Variants in TLCD4 observed in about 807,000 individuals in gnomAD.
The protein encoded by TLCD4 is TLC domain-containing protein 4.
In TLCD4, 7 loss-of-function variants were observed where a neutral mutation model predicts 24.2. That is an observed-to-expected ratio of 0.29 (90% confidence interval 0.16 to 0.54). The LOEUF is 0.54. Ranked by LOEUF, TLCD4 falls within the 20% of genes least tolerant of loss-of-function variation. The pLI is 0.95. For missense variants in TLCD4, 259 were observed against 313.9 expected (o/e 0.82, Z 1.32); for synonymous variants, 103 against 106.4 (o/e 0.97, Z 0.20).
At chr1:95,174,471 G>A (rs114870740) in intron 6 of TLCD4, among the ~76,000 whole-genome samples, 1,970 of 138,118 alleles carry the variant, frequency 0.014, 67 homozygotes, top group African/African-American at 0.051. Context: ...AGGAGTTTGA[G>A]ACCAGCCTGG....
At chr1:95,137,281 G>A (rs1422842318) in intron 1 of TLCD4, among the ~76,000 whole-genome samples, 1 of 152,180 alleles carries the variant, frequency 6.6e-6, no homozygotes, top group Non-Finnish European at 1.5e-5. Context: ...GAGCTTGCCA[G>A]GGATGGGAAA....
At chr1:95,095,722 T>C in the TLCD4 span, among the ~76,000 whole-genome samples, 34 of 152,306 alleles carry the variant, frequency 2.2e-4, no homozygotes, top group African/African-American at 7.9e-4. Flanking sequence ...TTATGTATAC[T>C]GTAAAATGAG....
intron 1 of TLCD4, among the ~76,000 whole-genome samples, chr1:95,130,079 C>A (rs760293760): frequency 1.3e-5 from 2 of 152,148 alleles, no homozygotes; most frequent in African/African-American, 4.8e-5. Flanking sequence ...TATATACATT[C>A]TTTTAGATGC....
Position 95,196,973 on chromosome 1 carries a change from GTAA to G in TLCD4, c.*5113_*5115del, listed in dbSNP as rs1380551414. On this transcript the variant is annotated 3_prime_UTR_variant, in exon 7 of 7. Coordinates refer to ENST00000370203, the MANE Select transcript of TLCD4 (RefSeq NM_152487.3). ...ATGAGATTTTTTGGTATTAGAATTT[GTAA>G]TAATAATGACTTTTAGATTTTATTT... The G allele has an allele frequency of 6.6e-6, 1 of 152,036 alleles. No homozygotes were observed. The highest frequency in any genetic ancestry group is 1.5e-5 in the Non-Finnish European group (1 of 67,986). The allele number at this position is 152,036 out of a possible 1,614,324, so 9.4% of individuals were successfully genotyped here. A position where few individuals can be genotyped will look rare whatever the true frequency, so the allele number is the denominator to read the frequency against.
chr1:95,129,882 T>C (rs1396731449), intron 1 of TLCD4, among the ~76,000 whole-genome samples: 1 of 152,250 alleles, frequency 6.6e-6, no homozygotes, highest in Non-Finnish European at 1.5e-5. Context: ...GGTTGACTTT[T>C]ATGCAGCTGG....
chr1:95,129,462 C>G (rs1035982309), intron 1 of TLCD4, among the ~76,000 whole-genome samples: 1 of 152,108 alleles, frequency 6.6e-6, no homozygotes, highest in African/African-American at 2.4e-5. Flanking sequence ...GTGTAACAGG[C>G]CAGGCGCGGT....
At chr1:95,178,042 C>T (rs975731819) in intron 6 of TLCD4, among the ~76,000 whole-genome samples, 4 of 151,384 alleles carry the variant, frequency 2.6e-5, no homozygotes, top group Non-Finnish European at 5.9e-5. Context: ...CCTACACCTC[C>T]CGGGTTCAGG....
At chr1:95,163,392 C>T (rs1327619180) in intron 5 of TLCD4, 1 of 151,332 alleles carries the variant, frequency 6.6e-6, no homozygotes, top group African/African-American at 2.4e-5. Context: ...TGTAGTTAGC[C>T]ATTCGTCTAC....
At chr1:95,110,858 A>G in the TLCD4 span, among the ~76,000 whole-genome samples, 74,400 of 135,588 alleles carry the variant, frequency 0.55, 19,453 homozygotes, top group Admixed American at 0.64. Context: ...TCTGTCTCAA[A>G]AGAAAAGTAA....
chr1:95,150,157 C>T (rs1008957340), intron 3 of TLCD4, 51 bp from the exon 4 acceptor site: 20 of 1,559,868 alleles, frequency 1.3e-5, no homozygotes, highest in East Asian at 2.3e-5. Context: ...AAAGAAGTAG[C>T]GGTCATCTAC....
chr1:95,108,368 T>G, the TLCD4 span, among the ~76,000 whole-genome samples: 2 of 152,212 alleles, frequency 1.3e-5, no homozygotes, highest in Non-Finnish European at 2.9e-5. Flanking sequence ...CATCCATATT[T>G]TCATGGAATG....
At chr1:95,171,352 T>TC (rs1452524259) in intron 5 of TLCD4, among the ~76,000 whole-genome samples, 2 of 152,162 alleles carry the variant, frequency 1.3e-5, no homozygotes, top group African/African-American at 2.4e-5. Context: ...GGAAACCCCT[T>TC]CCTCTGATAC....
chr1:95,136,116 G>A (rs1010492943), intron 1 of TLCD4, among the ~76,000 whole-genome samples: 1 of 151,648 alleles, frequency 6.6e-6, no homozygotes, highest in Non-Finnish European at 1.5e-5. Context: ...TTTATGACAT[G>A]ATAAGATTAC....
intron 1 of TLCD4, among the ~76,000 whole-genome samples, chr1:95,122,868 A>G (rs1260370410): frequency 6.6e-6 from 1 of 152,154 alleles, no homozygotes; most frequent in African/African-American, 2.4e-5. Context: ...ACTTCTCTCT[A>G]TATCTGTATT....
At position 95,173,929 on chromosome 1, in the gene TLCD4, GTTTATT is replaced by G. The variant is rs557556213; in HGVS notation, c.473+45_473+50del. Reference sequence around the variant, plus strand: ...TCATTGATTATTTTAAAGTCATGCTGTTTATTTTTAGTTTGGGCAAATCCTTTTCCC... The same window carrying G: ...TCATTGATTATTTTAAAGTCATGCTGTTTAGTTTGGGCAAATCCTTTTCCC... On this transcript the variant is annotated intron_variant, in intron 6 of 6. Transcript: ENST00000370203. 282 of 1,611,588 alleles carry G rather than the reference GTTTATT, an allele frequency of 1.7e-4. 6 individuals are homozygous for G. In the South Asian group the frequency reaches 2.9e-3, roughly 16 times the overall value.
intron 5 of TLCD4, among the ~76,000 whole-genome samples, chr1:95,171,740 C>CA (rs1678236144): frequency 6.6e-6 from 1 of 152,046 alleles, no homozygotes; most frequent in Admixed American, 6.5e-5. Flanking sequence ...TAAAACAGAA[C>CA]ATATTGCACA....
intron 1 of TLCD4, among the ~76,000 whole-genome samples, chr1:95,130,973 G>A (rs1401542337): frequency 1.3e-5 from 2 of 152,272 alleles, no homozygotes; most frequent in African/African-American, 4.8e-5. Flanking sequence ...TTCTAGTATT[G>A]TGATTACCCT....
In TLCD4 at chr1:95,155,104, AG is replaced by A. The variant is rs2100954372; in HGVS notation, c.399+3686del. 1.3e-5 allele frequency among the ~76,000 whole-genome samples: 2 copies of A among 152,064 alleles called. 1 individual carries two copies. Among genetic ancestry groups the A allele is most frequent in the South Asian group, 4.2e-4 (2 of 4,810 alleles). On this transcript the variant is annotated intron_variant, in intron 5 of 6. Coordinates refer to ENST00000370203, the MANE Select transcript of TLCD4 (RefSeq NM_152487.3). ...TTTGGTGGTAGAACAGTCAGTATTT[AG>A]TACCATACTAGCAGTAGTAGGTGCA... is the stretch of plus-strand genomic sequence containing the variant.
intron 1 of TLCD4, among the ~76,000 whole-genome samples, chr1:95,138,960 G>A (rs1055299584): frequency 6.7e-6 from 1 of 150,304 alleles, no homozygotes; most frequent in Non-Finnish European, 1.5e-5. Context: ...GGCTGAGGTG[G>A]GAGGATCACT....
Sources: allele counts gnomAD v4.1 joint callset (sites outside exome capture counted in the v4.1 genomes callset), GRCh38; gene constraint gnomAD v4.1.1; transcripts MANE v1.5; gene names NCBI Gene and HGNC (gene_info 2026-07-23, HGNC 2026-07-21).